The following TOR1AIP2 variants were observed in gnomAD, a reference collection of about 807,000 sequenced individuals.
The protein encoded by TOR1AIP2 is torsin-1A-interacting protein 2.
Under a neutral mutation model 32.6 loss-of-function variants are expected in TOR1AIP2, and 20 were observed. The observed-to-expected ratio is 0.61, with a 90% CI of 0.43 to 0.89. The LOEUF (loss-of-function observed/expected upper bound fraction) is 0.89, where lower values mean the gene tolerates loss of function less well. Among genes scored for constraint, TOR1AIP2 ranks in the 40% least tolerant of loss-of-function variants. The probability of loss-of-function intolerance (pLI) is 0.00; values close to 1 mark genes in which losing one functional copy is unlikely to be tolerated. For synonymous variants in TOR1AIP2, 214 were observed against 210.8 expected, an observed-to-expected ratio of 1.02 and a Z score of -0.13; for missense variants, 456 against 553.8, an observed-to-expected ratio of 0.82 and a Z score of 1.77.
Position 179,853,660 on chromosome 1 carries a change from G to A in TOR1AIP2, c.-146-849C>T, listed in dbSNP as rs181599530. On this transcript the variant is annotated intron_variant, in intron 3 of 6. Coordinates refer to ENST00000609928, the MANE Select transcript of TOR1AIP2 (RefSeq NM_001199260.2). ...TAGCTGGAAGGCTAGCCAACTGGCC[G>A]TCTTTATGTTTTTCTCAGTACTCTT... Among the ~76,000 whole-genome samples, 590 of 152,166 alleles carry A rather than the reference G, an allele frequency of 3.9e-3. 1 individual carries two copies. Among genetic ancestry groups the A allele is most frequent in the Non-Finnish European group, 6.4e-3 (433 of 68,000 alleles).
rs949482246 is a variant in TOR1AIP2, at chr1:179,847,396, T to A, written c.655+139A>T. 7.2e-6 allele frequency: 5 copies of A among 690,128 alleles called. No homozygotes were observed. The African/African-American group carries it at 9.1e-5, about 13-fold the overall frequency. The allele number at this position is 690,128 out of a possible 1,614,324, so 42.8% of individuals were successfully genotyped here. On this transcript the variant is annotated intron_variant, in intron 6 of 6. Coordinates refer to ENST00000609928, the MANE Select transcript of TOR1AIP2 (RefSeq NM_001199260.2). ...CTAAAACTCTAGTGTACTATTTTAC[T>A]ATGTCTCACTACCAATCATTAAATA...
At position 179,843,448 on chromosome 1, in the gene TOR1AIP2, G is replaced by A. The variant is rs1166787023; in HGVS notation, c.*2623C>T. The A allele has an allele frequency of 2.0e-5, 3 of 148,986 alleles. No individual in the cohort carries two copies. In the Admixed American group the frequency reaches 2.0e-4, roughly 10 times the overall value. 9.2% of individuals were successfully genotyped at this position (148,986 alleles called of 1,614,324 possible). ...TTGAACCCAGGAGGTGTAGGTTACA[G>A]TGAGATGAGATTGTGCCACTGCACT... On this transcript the variant is annotated 3_prime_UTR_variant, in exon 7 of 7. Transcript: ENST00000609928.
chr1:179,848,271 G>C (rs1571655691), intron 5 of TOR1AIP2, among the ~76,000 whole-genome samples: 1 of 152,178 alleles, frequency 6.6e-6, no homozygotes, highest in Non-Finnish European at 1.5e-5. Context: ...AGGGATTTAA[G>C]AAATGTTGGC....
chr1:179,867,884 G>A (rs958331914), intron 2 of TOR1AIP2: 4 of 152,138 alleles, frequency 2.6e-5, no homozygotes, highest in African/African-American at 9.7e-5. Flanking sequence ...CTCCTCTCCT[G>A]GTCCTTTAAA....
Position 179,843,788 on chromosome 1 carries a change from T to C in TOR1AIP2, c.*2283A>G, listed in dbSNP as rs1279020293. 1.6e-5 allele frequency: 2 copies of C among 126,962 alleles called. No homozygotes were observed. Among genetic ancestry groups the C allele is most frequent in the Non-Finnish European group, 3.1e-5 (2 of 64,948 alleles). The allele number at this position is 126,962 out of a possible 1,614,324, so 7.9% of individuals were successfully genotyped here. On this transcript the variant is annotated 3_prime_UTR_variant, in exon 7 of 7. Transcript: ENST00000609928. ...GTGAGCTATGATCAAGCCACAGCAC[T>C]GCAGCCTGGGAGTCAGAGTGAGACT...
In TOR1AIP2 at chr1:179,844,818, T is replaced by C. The variant is rs1695840496; in HGVS notation, c.*1253A>G. On this transcript the variant is annotated 3_prime_UTR_variant, in exon 7 of 7. Coordinates refer to ENST00000609928, the MANE Select transcript of TOR1AIP2 (RefSeq NM_001199260.2). ...GCATAGAAATAAACTGGTAAAGTTA[T>C]GCCAAATGTTCATATAAAATTTACT... is the stretch of plus-strand genomic sequence containing the variant. 1 of 152,230 alleles carries C rather than the reference T, an allele frequency of 6.6e-6. No individual in the cohort carries two copies. The highest frequency in any genetic ancestry group is 2.4e-5 in the African/African-American group (1 of 41,474). The allele number at this position is 152,230 out of a possible 1,614,324, so 9.4% of individuals were successfully genotyped here. A position where few individuals can be genotyped will look rare whatever the true frequency, so the allele number is the denominator to read the frequency against.
chr1:179,852,658 TCGG>T lies in TOR1AIP2; in HGVS notation c.5_7del (p.Ala2del). 6.2e-7 allele frequency: 1 copy of T among 1,614,098 alleles called. No homozygotes were observed. Among genetic ancestry groups the T allele is most frequent in the East Asian group, 2.2e-5 (1 of 44,864 alleles). On this transcript the variant is annotated inframe_deletion, in exon 4 of 7. Coordinates refer to ENST00000609928, the MANE Select transcript of TOR1AIP2 (RefSeq NM_001199260.2). ...CTCTTGAGGTTCCCTAAGTCCACTG[TCGG>T]CCATGTTTGTGTTCTATCTCTTCAG... is the stretch of plus-strand genomic sequence containing the variant.
intron 3 of TOR1AIP2, among the ~76,000 whole-genome samples, chr1:179,853,493 T>C (rs1696190369): frequency 6.7e-6 from 1 of 149,030 alleles, no homozygotes; most frequent in South Asian, 2.1e-4. Context: ...TTTATAGTTC[T>C]TTTTTTTGTC....
chr1:179,850,702 G>C (rs947488323), intron 5 of TOR1AIP2, 143 bp downstream of exon 5: 11 of 923,850 alleles, frequency 1.2e-5, no homozygotes, highest in Admixed American at 3.0e-5. Context: ...GTCATGGCTT[G>C]GTGTGAGCTT....
chr1:179,876,534 T>C (rs1235488429), intron 2 of TOR1AIP2, among the ~76,000 whole-genome samples: 1 of 152,236 alleles, frequency 6.6e-6, no homozygotes, highest in Non-Finnish European at 1.5e-5. Flanking sequence ...TTTTTCAAAC[T>C]ATTCTAATCC....
intron 3 of TOR1AIP2, among the ~76,000 whole-genome samples, chr1:179,858,614 C>A (rs1696398207): frequency 6.6e-6 from 1 of 152,106 alleles, no homozygotes; most frequent in African/African-American, 2.4e-5. Context: ...AAAGGAAAGA[C>A]CTATAATGGA....
At chr1:179,851,586 T>C (rs1696118356) in intron 4 of TOR1AIP2, among the ~76,000 whole-genome samples, 1 of 152,080 alleles carries the variant, frequency 6.6e-6, no homozygotes, top group Non-Finnish European at 1.5e-5. Flanking sequence ...TAAAACAAAT[T>C]ATATGACAGA....
chr1:179,854,348 T>A (rs147669918), intron 3 of TOR1AIP2, among the ~76,000 whole-genome samples: 8 of 152,024 alleles, frequency 5.3e-5, no homozygotes, highest in African/African-American at 1.4e-4. Flanking sequence ...AAAAAAAATA[T>A]CATGCATAGA....
At chr1:179,847,234 T>C (rs1695941438) in intron 6 of TOR1AIP2, among the ~76,000 whole-genome samples, 3 of 152,188 alleles carry the variant, frequency 2.0e-5, no homozygotes, top group African/African-American at 7.2e-5. Context: ...AACTTTAAAG[T>C]GCACTTGAAA....
At chr1:179,847,435 A>G (rs1485587468) in intron 6 of TOR1AIP2, 100 bp downstream of exon 6, 1 of 812,786 alleles carries the variant, frequency 1.2e-6, no homozygotes, top group Non-Finnish European at 2.2e-6. Flanking sequence ...ATATATAAAC[A>G]CAATGTTAAA....
At chr1:179,864,398 CAA>C in intron 3 of TOR1AIP2, 1 of 993,030 alleles carries the variant, frequency 1.0e-6, no homozygotes, top group Non-Finnish European at 1.2e-6. Flanking sequence ...TGCTTTCCCA[CAA>C]AAGTTATCAT....
intron 3 of TOR1AIP2, among the ~76,000 whole-genome samples, chr1:179,856,877 G>T (rs555281375): frequency 6.6e-6 from 1 of 152,212 alleles, no homozygotes; most frequent in Non-Finnish European, 1.5e-5. Flanking sequence ...GCCTCACAAA[G>T]TGGTGGGGAT....
chr1:179,852,519 G>T, intron 4 of TOR1AIP2, 113 bp downstream of exon 4: 1 of 1,092,732 alleles, frequency 9.2e-7, no homozygotes, highest in Non-Finnish European at 1.4e-6. Flanking sequence ...TGAACCCACT[G>T]AATTAGCTTT....
At position 179,852,646 on chromosome 1, in the gene TOR1AIP2, C is replaced by T. The variant is rs780838380; in HGVS notation, c.20G>A (p.Arg7Lys). Residue 7 changes from arginine to lysine, a missense_variant, in exon 4 of 7, where the codon AGG becomes AAG. Physicochemically the swap from Arg to Lys is conservative, Grantham distance 26. Transcript: ENST00000609928. MADSGLREPQEDSQKDL... is the reference protein window; with the variant it reads MADSGLKEPQEDSQKDL... ...ATCAGTCTTACCCTCTTGAGGTTCC[C>T]TAAGTCCACTGTCGGCCATGTTTGT... 24 of 1,613,968 alleles carry T rather than the reference C, an allele frequency of 1.5e-5. No individual in the cohort carries two copies. Among genetic ancestry groups the T allele is most frequent in the Admixed American group, 3.3e-5 (2 of 59,994 alleles).
Sources: gnomAD v4.1 joint callset for allele counts (sites outside exome capture counted in the v4.1 genomes callset) on GRCh38, gnomAD v4.1.1 for gene constraint, MANE v1.5 for transcripts, NCBI Gene and HGNC (gene_info 2026-07-23, HGNC 2026-07-21) for gene names.